MEGF6: variants seen among roughly 807,000 people sequenced by gnomAD.
MEGF6 encodes the protein multiple EGF like domains 6.
In MEGF6, 184 loss-of-function variants were observed where a neutral mutation model predicts 207.1. The observed-to-expected ratio is 0.89, with a 90% CI of 0.79 to 1.00. The LOEUF (loss-of-function observed/expected upper bound fraction) is 1.00. Among genes scored for constraint, MEGF6 ranks in the 50% least tolerant of loss-of-function variants. MEGF6 has a pLI of 0.00. For missense variants in MEGF6, 2,282 were observed against 2,202.9 expected, an observed-to-expected ratio of 1.04 and a Z score of -0.72; for synonymous variants, 1,038 against 910.0, an observed-to-expected ratio of 1.14 and a Z score of -2.53.
chr1:3,579,370 C>T (rs1459241624), intron 4 of MEGF6, among the ~76,000 whole-genome samples: 6 of 152,356 alleles, frequency 3.9e-5, no homozygotes, highest in South Asian at 4.1e-4. Context: ...AGGGCCTGTG[C>T]GGGAGTCCCA....
intron 1 of MEGF6, among the ~76,000 whole-genome samples, chr1:3,607,521 A>C (rs1644266823): frequency 6.6e-6 from 1 of 152,128 alleles, no homozygotes; most frequent in Non-Finnish European, 1.5e-5. Flanking sequence ...CACTGCACAC[A>C]CGGCCACAGC....
chr1:3,503,112 G>A (rs559068353), intron 17 of MEGF6, among the ~76,000 whole-genome samples: 19 of 152,248 alleles, frequency 1.2e-4, no homozygotes, highest in South Asian at 4.1e-4. Flanking sequence ...TAATACAGGC[G>A]GAGCAGCAGA....
chr1:3,587,858 AGGAGGGGACAGGAGTGGCCAGGAGTGGC>A, intron 3 of MEGF6, among the ~76,000 whole-genome samples: 1 of 138,536 alleles, frequency 7.2e-6, no homozygotes. Flanking sequence ...AGGAGGGGCC[AGGAGGGGACAGGAGTGGCCAGGAGTGGC>A]CAGGAGGGGG....
At position 3,594,343 on chromosome 1, in the gene MEGF6, T is replaced by C. The variant is rs1644025965; in HGVS notation, c.376+995A>G. ...ACTCGGGAGGCTGAGGTGGGAGGAT[T>C]GCTTGAGTCCAGGAATTTGAGGCTG... On this transcript the variant is annotated intron_variant, in intron 3 of 36. Coordinates refer to ENST00000356575, the MANE Select transcript of MEGF6 (RefSeq NM_001409.4). This position sits in a 1 kb window ranked among gnomAD's most constrained non-coding sequence, Gnocchi z 4.2. Among the ~76,000 whole-genome samples the C allele has an allele frequency of 6.6e-6, 1 of 152,184 alleles. No individual in the cohort carries two copies. The highest frequency in any genetic ancestry group is 2.1e-4 in the South Asian group (1 of 4,828).
In MEGF6 at chr1:3,493,860, C is replaced by T. The variant is rs754499043; in HGVS notation, c.4298G>A (p.Arg1433His). Residue 1433 changes from arginine to histidine, a missense_variant, in exon 34 of 37, where the codon CGC (arginine) becomes CAC (histidine). By Grantham distance (29) the Arg-to-His change is conservative (BLOSUM62 0). Coordinates refer to ENST00000356575, the MANE Select transcript of MEGF6 (RefSeq NM_001409.4). ...GGGTGCCCCCCCGTCACAGTCACAG[C>T]GCTGGTGGCAGCCCTCTCCAAATGA... is the stretch of plus-strand genomic sequence containing the variant. ...PGSFGEGCHQ[R>H]CDCDGGAPCD... 26 of 1,598,276 alleles carry T rather than the reference C, an allele frequency of 1.6e-5. No individual in the cohort carries two copies. The highest frequency in any genetic ancestry group is 2.7e-5 in the African/African-American group (2 of 74,664).
chr1:3,568,965 C>G (rs1338050550), intron 4 of MEGF6, among the ~76,000 whole-genome samples: 1 of 151,982 alleles, frequency 6.6e-6, no homozygotes, highest in Non-Finnish European at 1.5e-5. Context: ...CCCATGAGAG[C>G]TGTCAGGCTG....
intron 3 of MEGF6, among the ~76,000 whole-genome samples, chr1:3,591,708 G>A (rs1169410891): frequency 2.0e-5 from 3 of 147,432 alleles, no homozygotes; most frequent in African/African-American, 7.6e-5. Flanking sequence ...TGCTACCAAG[G>A]TCTCGTAGCT....
intron 3 of MEGF6, among the ~76,000 whole-genome samples, chr1:3,582,898 A>G (rs1213760664): frequency 1.3e-5 from 2 of 152,184 alleles, no homozygotes; most frequent in African/African-American, 2.4e-5. Flanking sequence ...GTGACAGCTC[A>G]CTTCCCATGC....
chr1:3,499,983 T>G, intron 21 of MEGF6, 59 bp from the exon 22 acceptor site: 4 of 1,496,096 alleles, frequency 2.7e-6, no homozygotes, highest in Non-Finnish European at 3.6e-6. Flanking sequence ...GACCCAGCCG[T>G]GCCCGGGCCT....
At chr1:3,531,795 C>T (rs967871549) in intron 4 of MEGF6, among the ~76,000 whole-genome samples, 3 of 150,900 alleles carry the variant, frequency 2.0e-5, no homozygotes, top group African/African-American at 7.3e-5. Flanking sequence ...CAAAGGGAGC[C>T]GTCCTGGCCG....
chr1:3,602,712 C>T (rs762888529), intron 1 of MEGF6, 112 bp from the exon 2 acceptor site: 4 of 1,421,158 alleles, frequency 2.8e-6, no homozygotes, highest in South Asian at 2.8e-5. Flanking sequence ...GGTCCAGACC[C>T]GTGGCCAGGC....
chr1:3,543,648 G>T (rs112381444), intron 4 of MEGF6, among the ~76,000 whole-genome samples: 13,078 of 152,292 alleles, frequency 0.086, 629 homozygotes, highest in Non-Finnish European at 0.11. Context: ...TCTGTGGCCC[G>T]GTCCCTGGCC....
At chr1:3,583,304 GCGCAGCCACCAGACAACC>G (rs1643845753) in intron 3 of MEGF6, among the ~76,000 whole-genome samples, 7 of 139,832 alleles carry the variant, frequency 5.0e-5, no homozygotes, top group South Asian at 2.3e-4. Context: ...ACCAGACAAC[GCGCAGCCACCAGACAACC>G]CACAGCCACC....
intron 7 of MEGF6, among the ~76,000 whole-genome samples, chr1:3,513,288 T>G (rs1304738675): frequency 1.3e-5 from 2 of 152,114 alleles, no homozygotes; most frequent in African/African-American, 4.8e-5. Context: ...CATGGCTCAC[T>G]GTAGCGTCAA....
At chr1:3,568,310 C>G (rs959508478) in intron 4 of MEGF6, among the ~76,000 whole-genome samples, 4 of 143,212 alleles carry the variant, frequency 2.8e-5, no homozygotes, top group African/African-American at 9.8e-5. Context: ...AAACCAAGGC[C>G]CCTGAGGGCT....
intron 4 of MEGF6, among the ~76,000 whole-genome samples, chr1:3,574,970 G>A (rs1269771898): frequency 1.3e-5 from 2 of 152,204 alleles, no homozygotes; most frequent in Non-Finnish European, 2.9e-5. Context: ...AACCAAGAAA[G>A]TACCTAGAGG....
rs777892576 is a variant in MEGF6, at chr1:3,490,918, C to T, written c.4558G>A (p.Gly1520Ser). 1.3e-6 allele frequency: 2 copies of T among 1,596,684 alleles called. No individual in the cohort carries two copies. Among genetic ancestry groups the T allele is most frequent in the Admixed American group, 1.7e-5 (1 of 58,072 alleles). The change falls in exon 36 of 37, where the codon GGC becomes AGC. Residue 1520 changes from glycine to serine, a missense_variant. By Grantham distance (56) the Gly-to-Ser change is moderately conservative. Transcript: ENST00000356575. Reference protein sequence around the residue: ...RLPENPSLAQGSAGTLPASSR... With the variant: ...RLPENPSLAQSSAGTLPASSR... ...CATTCCCCACACCCCTTACCTGAGCCCTGGGCTAAGGACGGGTTCTCGGGG... is the reference window on the plus strand; with the variant it reads ...CATTCCCCACACCCCTTACCTGAGCTCTGGGCTAAGGACGGGTTCTCGGGG...
At chr1:3,566,087 C>T (rs781425495) in intron 4 of MEGF6, among the ~76,000 whole-genome samples, 1 of 152,220 alleles carries the variant, frequency 6.6e-6, no homozygotes, top group African/African-American at 2.4e-5. Flanking sequence ...CTGAGGCCAG[C>T]ACCGGCTGGA....
At chr1:3,512,546 T>C (rs1641391415) in intron 7 of MEGF6, among the ~76,000 whole-genome samples, 1 of 152,108 alleles carries the variant, frequency 6.6e-6, no homozygotes, top group Non-Finnish European at 1.5e-5. Context: ...TGGGAGGTGA[T>C]TGAATCATGG....
Sources: gnomAD v4.1 joint callset for allele counts (sites outside exome capture counted in the v4.1 genomes callset) on GRCh38, gnomAD v4.1.1 for gene constraint, Gnocchi (gnomAD v3.1) non-coding constraint, MANE v1.5 for transcripts, NCBI Gene and HGNC (gene_info 2026-07-23, HGNC 2026-07-21) for gene names.